The following SCN11A variants were observed in gnomAD, a reference collection of about 807,000 sequenced individuals.
SCN11A encodes sodium channel protein type 11 subunit alpha.
SCN11A carries 122 observed loss-of-function variants against 162.2 expected under a neutral mutation model. The observed-to-expected ratio is 0.75, with a 90% CI of 0.65 to 0.87. SCN11A has a LOEUF of 0.87. Among genes scored for constraint, SCN11A ranks in the 40% least tolerant of loss-of-function variants. SCN11A has a pLI of 0.00. For missense variants in SCN11A, 2,015 were observed against 2,181.6 expected (o/e 0.92, Z 1.52); for synonymous variants, 758 against 751.5 (o/e 1.01, Z -0.14).
In SCN11A at chr3:39,044,844, G is replaced by A. The variant is rs148340130; in HGVS notation, c.-404+7017C>T. Among the ~76,000 whole-genome samples, 7 of 151,556 alleles carry A rather than the reference G, an allele frequency of 4.6e-5. No individual in the cohort carries two copies. The East Asian group carries it at 5.8e-4, about 13-fold the overall frequency. On this transcript the variant is annotated intron_variant, in intron 1 of 29. Transcript: ENST00000302328. ...AGATTAGAGCAGAAATAATGAAATC[G>A]AGACAAAAAATACAAATCAACAAAA...
intron 23 of SCN11A, among the ~76,000 whole-genome samples, chr3:38,877,045 GTATATACTATATATATGGTA>G (rs1464448194): frequency 2.7e-3 from 60 of 22,440 alleles, no homozygotes; most frequent in African/African-American, 6.5e-3. Context: ...TATATATGGT[GTATATACTATATATATGGTA>G]TATATATGGT....
chr3:38,951,020 C>A (rs948335260), intron 4 of SCN11A, among the ~76,000 whole-genome samples: 2 of 152,262 alleles, frequency 1.3e-5, no homozygotes, highest in African/African-American at 2.4e-5. Flanking sequence ...TCGCTCTAGG[C>A]GCCTCCTCTG....
intron 2 of SCN11A, among the ~76,000 whole-genome samples, chr3:39,022,998 T>C (rs1189970954): frequency 6.6e-6 from 1 of 152,240 alleles, no homozygotes; most frequent in South Asian, 2.1e-4. Context: ...TGTTATTTTT[T>C]AAGTGTGATA....
intron 2 of SCN11A, among the ~76,000 whole-genome samples, chr3:38,975,824 G>A (rs879286332): frequency 2.0e-5 from 3 of 152,168 alleles, no homozygotes; most frequent in Non-Finnish European, 4.4e-5. Flanking sequence ...GGGCCGGGAG[G>A]AGGGGAGAAA....
Position 38,903,845 on chromosome 3 carries a change from T to C in SCN11A, c.1842+20A>G, listed in dbSNP as rs2065743056. 3.3e-6 allele frequency: 5 copies of C among 1,504,340 alleles called. No homozygotes were observed. The highest frequency in any genetic ancestry group is 4.5e-6 in the Non-Finnish European group (5 of 1,104,450). The allele number at this position is 1,504,340 out of a possible 1,614,324, so 93.2% of individuals were successfully genotyped here. On this transcript the variant is annotated intron_variant, in intron 16 of 29. Transcript: ENST00000302328. ...TAAAGTATGAAATATGTTTTTTATT[T>C]TTAAAAAGTGTAATGTTACCAAATT...
At chr3:38,893,589 C>G (rs1235212736) in intron 19 of SCN11A, among the ~76,000 whole-genome samples, 2 of 152,156 alleles carry the variant, frequency 1.3e-5, no homozygotes, top group Non-Finnish European at 2.9e-5. Flanking sequence ...ACACATGGAA[C>G]ATTTCCAGGA....
chr3:38,851,672 T>C (rs2064781904), intron 28 of SCN11A, among the ~76,000 whole-genome samples: 1 of 152,236 alleles, frequency 6.6e-6, no homozygotes, highest in Non-Finnish European at 1.5e-5. Context: ...TCTGTGTACA[T>C]ATTGTTTTAT....
Position 38,946,875 on chromosome 3 carries a change from G to C in SCN11A, c.300C>G (p.Ile100Met). Reference protein sequence around the residue: ...TFMVLNRKRTIYRFSAKHALF... With the variant: ...TFMVLNRKRTMYRFSAKHALF... ...AGGCATGCTTGGCACTGAAGCGGTA[G>C]ATTGTCCTCTTTCTGTTTAACACCA... is the stretch of plus-strand genomic sequence containing the variant. The change falls in exon 6 of 30, where the codon ATC becomes ATG. Residue 100 changes from isoleucine to methionine, a missense_variant. Transcript: ENST00000302328. The C allele has an allele frequency of 1.2e-6, 2 of 1,613,390 alleles. No homozygotes were observed.
At chr3:38,902,127 T>C (rs2065710761) in intron 16 of SCN11A, among the ~76,000 whole-genome samples, 1 of 152,192 alleles carries the variant, frequency 6.6e-6, no homozygotes, top group South Asian at 2.1e-4. Flanking sequence ...CTACAACTTA[T>C]TCAGTAACTC....
chr3:38,868,523 C>T (rs1429084441), intron 26 of SCN11A, among the ~76,000 whole-genome samples: 1 of 152,158 alleles, frequency 6.6e-6, no homozygotes, highest in African/African-American at 2.4e-5. Flanking sequence ...CCTTCATGTC[C>T]CTCTTTGTTA....
intron 28 of SCN11A, among the ~76,000 whole-genome samples, chr3:38,851,276 C>A (rs2064774037): frequency 6.6e-6 from 1 of 152,126 alleles, no homozygotes; most frequent in South Asian, 2.1e-4. Flanking sequence ...TCAAATAATT[C>A]TTCAATGCCA....
chr3:38,910,645 C>T (rs2065874506), intron 11 of SCN11A, among the ~76,000 whole-genome samples: 1 of 152,078 alleles, frequency 6.6e-6, no homozygotes, highest in African/African-American at 2.4e-5. Context: ...CTCTCCTGCA[C>T]CTTGCTTTTT....
At chr3:38,896,353 T>G (rs1430908279) in intron 18 of SCN11A, among the ~76,000 whole-genome samples, 2 of 152,214 alleles carry the variant, frequency 1.3e-5, no homozygotes, top group African/African-American at 2.4e-5. Context: ...CAGTCCTGGA[T>G]GTCAGATCCA....
chr3:38,919,415 T>C (rs1559531520), intron 11 of SCN11A, among the ~76,000 whole-genome samples: 1 of 152,186 alleles, frequency 6.6e-6, no homozygotes, highest in Non-Finnish European at 1.5e-5. Flanking sequence ...TCTTTCACAA[T>C]AGAAAGCACC....
Position 38,846,411 on chromosome 3 carries a change from C to A in SCN11A, c.*283G>T, listed in dbSNP as rs187790910. ...ACAGGCATGAGCCACTGCGCCCGGCCTGAACTATTTCAATCCTAAAATTGG... is the reference window on the plus strand; with the variant it reads ...ACAGGCATGAGCCACTGCGCCCGGCATGAACTATTTCAATCCTAAAATTGG... On this transcript the variant is annotated 3_prime_UTR_variant, in exon 30 of 30. Transcript: ENST00000302328. The A allele has an allele frequency of 5.5e-4, 203 of 368,798 alleles. No individual in the cohort carries two copies. The highest frequency in any genetic ancestry group is 1.2e-3 in the Admixed American group (31 of 25,486). The allele number at this position is 368,798 out of a possible 1,614,324, so 22.8% of individuals were successfully genotyped here. A position where few individuals can be genotyped will look rare whatever the true frequency, so the allele number is the denominator to read the frequency against.
At chr3:38,965,480 G>T (rs2125585107) in intron 2 of SCN11A, among the ~76,000 whole-genome samples, 1 of 152,138 alleles carries the variant, frequency 6.6e-6, no homozygotes, top group African/African-American at 2.4e-5. Flanking sequence ...CATCATGAAG[G>T]CCTTCACAAT....
chr3:38,886,056 T>A (rs942730063), intron 20 of SCN11A, 69 bp downstream of exon 20: 2 of 1,001,198 alleles, frequency 2.0e-6, no homozygotes, highest in East Asian at 2.4e-5. Context: ...CATTTTTCCA[T>A]AATAACTATC....
At chr3:38,959,626 T>C (rs1187247251) in intron 3 of SCN11A, among the ~76,000 whole-genome samples, 1 of 152,198 alleles carries the variant, frequency 6.6e-6, no homozygotes, top group Non-Finnish European at 1.5e-5. Flanking sequence ...GTCAGACAGC[T>C]TAATGGTAGA....
In SCN11A at chr3:39,051,894, A is replaced by G. The variant is rs1208930669; in HGVS notation, c.-437T>C. The G allele has an allele frequency of 1.7e-5, 19 of 1,115,712 alleles. No individual in the cohort carries two copies. Among genetic ancestry groups the G allele is most frequent in the Non-Finnish European group, 2.5e-5 (19 of 757,660 alleles). The allele number at this position is 1,115,712 out of a possible 1,614,324, so 69.1% of individuals were successfully genotyped here. A position where few individuals can be genotyped will look rare whatever the true frequency, so the allele number is the denominator to read the frequency against. On this transcript the variant is annotated 5_prime_UTR_variant, in exon 1 of 30. Transcript: ENST00000302328. ...ATGGCTACCGGCCACACAGCAACTAACAGCACCGAGGAAACACAACAGCCT... is the reference window on the plus strand; with the variant it reads ...ATGGCTACCGGCCACACAGCAACTAGCAGCACCGAGGAAACACAACAGCCT...
Sources: allele counts gnomAD v4.1 joint callset (sites outside exome capture counted in the v4.1 genomes callset), GRCh38; gene constraint gnomAD v4.1.1; transcripts MANE v1.5; gene names NCBI Gene and HGNC (gene_info 2026-07-23, HGNC 2026-07-21).